PIGN: variants seen among roughly 807,000 people sequenced by gnomAD.
PIGN encodes the protein GPI ethanolamine phosphate transferase 1.
In PIGN, 117 loss-of-function variants were observed where a neutral mutation model predicts 125.4. The ratio of observed to expected loss-of-function variants is 0.93; its 90% CI spans 0.80 to 1.09. The LOEUF (loss-of-function observed/expected upper bound fraction) is 1.09, where lower values mean the gene tolerates loss of function less well. Among genes scored for constraint, PIGN ranks in the 50% least tolerant of loss-of-function variants. The pLI is 0.00. For synonymous variants in PIGN, 392 were observed against 377.8 expected, an observed-to-expected ratio of 1.04 and a Z score of -0.44; for missense variants, 1,075 against 1,094.9, an observed-to-expected ratio of 0.98 and a Z score of 0.26.
chr18:62,061,097 T>C (rs973555300), intron 30 of PIGN, among the ~76,000 whole-genome samples: 1 of 152,220 alleles, frequency 6.6e-6, no homozygotes, highest in Non-Finnish European at 1.5e-5. Context: ...CTGACTGTAG[T>C]GTATGCTTCC....
intron 30 of PIGN, among the ~76,000 whole-genome samples, chr18:62,057,480 A>G (rs1354654812): frequency 6.6e-6 from 1 of 152,178 alleles, no homozygotes; most frequent in Non-Finnish European, 1.5e-5. Flanking sequence ...ACTTGTTGCT[A>G]TTTTGAATTG....
intron 21 of PIGN, among the ~76,000 whole-genome samples, chr18:62,101,417 G>A (rs141229831): frequency 2.0e-5 from 3 of 152,166 alleles, no homozygotes; most frequent in Non-Finnish European, 2.9e-5. Flanking sequence ...AACAAAGCAC[G>A]TAAGAATGTT....
rs1208636410 is a variant in PIGN at position 62,043,964 on chromosome 18, T to C, written c.*1892A>G. ...TTTTCTGTTTTGCAACATAAAAATA[T>C]ACATTTCAAAACATTTAAAGATATC... On this transcript the variant is annotated 3_prime_UTR_variant, in exon 31 of 31. Coordinates refer to ENST00000640252, the MANE Select transcript of PIGN (RefSeq NM_176787.5). The C allele has an allele frequency of 6.6e-6, 1 of 152,204 alleles. No individual in the cohort carries two copies. Among genetic ancestry groups the C allele is most frequent in the Non-Finnish European group, 1.5e-5 (1 of 68,034 alleles). The allele number at this position is 152,204 out of a possible 1,614,324, so 9.4% of individuals were successfully genotyped here. A position where few individuals can be genotyped will look rare whatever the true frequency, so the allele number is the denominator to read the frequency against.
At chr18:62,151,925 A>G (rs2036551034) in intron 7 of PIGN, among the ~76,000 whole-genome samples, 1 of 152,122 alleles carries the variant, frequency 6.6e-6, no homozygotes, top group Non-Finnish European at 1.5e-5. Context: ...ATTTGAAGAG[A>G]TTTATTCTGA....
chr18:62,070,433 C>G (rs1187219215), intron 30 of PIGN: 1 of 398,202 alleles, frequency 2.5e-6, no homozygotes, highest in Non-Finnish European at 4.4e-6. Flanking sequence ...AATCCTGGAT[C>G]TGAGAGCATC....
At chr18:62,177,715 C>A (rs1196354095) in intron 1 of PIGN, among the ~76,000 whole-genome samples, 2 of 152,122 alleles carry the variant, frequency 1.3e-5, no homozygotes, top group Non-Finnish European at 2.9e-5. Context: ...TGTTTAGTAA[C>A]TTTTCCAAAC....
At chr18:62,070,725 T>C (rs2032793830) in intron 30 of PIGN, among the ~76,000 whole-genome samples, 2 of 152,214 alleles carry the variant, frequency 1.3e-5, no homozygotes. Flanking sequence ...TAACAGGTTA[T>C]GGCAATCATT....
intron 14 of PIGN, among the ~76,000 whole-genome samples, chr18:62,120,009 G>C (rs193088247): frequency 6.6e-6 from 1 of 152,138 alleles, no homozygotes; most frequent in Non-Finnish European, 1.5e-5. Flanking sequence ...ACCAGAGAGG[G>C]AGAGATGGAA....
intron 9 of PIGN, 84 bp downstream of exon 9, chr18:62,146,886 AT>A: frequency 7.2e-7 from 1 of 1,390,320 alleles, no homozygotes; most frequent in Middle Eastern, 1.8e-4. Flanking sequence ...AAGACATCTA[AT>A]CCTCTCAACA....
chr18:62,110,085 C>A, intron 16 of PIGN, 112 bp from the exon 17 acceptor site: 1 of 887,156 alleles, frequency 1.1e-6, no homozygotes, highest in Non-Finnish European at 1.7e-6. Context: ...AATGGTTATA[C>A]TACTAGATGA....
intron 23 of PIGN, 59 bp downstream of exon 23, chr18:62,095,789 A>G (rs1312159096): frequency 3.4e-5 from 30 of 889,348 alleles, no homozygotes; most frequent in Non-Finnish European, 1.8e-6. Context: ...AATAGAGAAA[A>G]TATCAATATA....
intron 27 of PIGN, 23 bp from the exon 28 acceptor site, chr18:62,082,769 G>A: frequency 1.5e-6 from 2 of 1,293,844 alleles, no homozygotes; most frequent in East Asian, 2.5e-5. Flanking sequence ...AATAAATGAT[G>A]CAAGGAATAA....
chr18:62,139,650 A>G (rs938892863), intron 12 of PIGN, among the ~76,000 whole-genome samples: 4 of 152,220 alleles, frequency 2.6e-5, no homozygotes, highest in African/African-American at 4.8e-5. Flanking sequence ...TCTTAACAGC[A>G]TTACTATTTT....
intron 14 of PIGN, among the ~76,000 whole-genome samples, chr18:62,133,146 A>G (rs921112580): frequency 3.3e-5 from 5 of 152,192 alleles, no homozygotes; most frequent in African/African-American, 1.2e-4. Flanking sequence ...GACCAACTGT[A>G]GGCTAATGTT....
chr18:62,096,052 T>C (rs749067898), intron 22 of PIGN, 102 bp from the exon 23 acceptor site: 1 of 613,522 alleles, frequency 1.6e-6, no homozygotes, highest in Non-Finnish European at 2.9e-6. Context: ...CTCAGCACTT[T>C]GGGAGGCCGA....
At chr18:62,100,732 G>A (rs1434464847) in intron 22 of PIGN, among the ~76,000 whole-genome samples, 1 of 152,176 alleles carries the variant, frequency 6.6e-6, no homozygotes, top group Non-Finnish European at 1.5e-5. Context: ...CAGTCCCTGT[G>A]TAAGAACAGA....
chr18:62,083,292 G>C (rs2033536891), intron 27 of PIGN, among the ~76,000 whole-genome samples: 1 of 151,992 alleles, frequency 6.6e-6, no homozygotes, highest in African/African-American at 2.4e-5. Context: ...TTGAAATAAA[G>C]CTATAGTAAA....
At chr18:62,038,979 G>T (rs958753747), downstream of PIGN, among the ~76,000 whole-genome samples, 1 of 151,028 alleles carries the variant, frequency 6.6e-6, no homozygotes, top group African/African-American at 2.4e-5. Context: ...ATAATTGATT[G>T]AAAGTAATTC....
At chr18:62,024,127 C>G (rs2030086649) in intron 23 of PIGN, among the ~76,000 whole-genome samples, 1 of 152,200 alleles carries the variant, frequency 6.6e-6, no homozygotes, top group African/African-American at 2.4e-5. Context: ...CTAGAAACCA[C>G]TTGAATAGGC....
Sources: allele counts gnomAD v4.1 joint callset (sites outside exome capture counted in the v4.1 genomes callset), GRCh38; gene constraint gnomAD v4.1.1; transcripts MANE v1.5; gene names NCBI Gene and HGNC (gene_info 2026-07-23, HGNC 2026-07-21).